Variants in ATP9B observed in about 807,000 individuals in gnomAD.
ATP9B encodes probable phospholipid-transporting ATPase IIB.
Under a neutral mutation model 146.1 loss-of-function variants are expected in ATP9B, and 110 were observed. The observed-to-expected ratio is 0.75, with a 90% CI of 0.65 to 0.88. The LOEUF is 0.88. Ranked by LOEUF, ATP9B falls within the 40% of genes least tolerant of loss-of-function variation. ATP9B has a pLI of 0.00. For missense variants in ATP9B, 1,499 were observed against 1,496.4 expected (o/e 1.00, Z -0.03); for synonymous variants, 604 against 569.7 (o/e 1.06, Z -0.86).
At position 79,231,687 on chromosome 18, in the gene ATP9B, G is replaced by A. The variant is rs565342276; in HGVS notation, c.1107+17649G>A. Among the ~76,000 whole-genome samples the A allele has an allele frequency of 5.9e-4, 90 of 151,470 alleles. 2 individuals are homozygous for A. The highest frequency in any genetic ancestry group is 2.0e-3 in the African/African-American group (81 of 41,282). On this transcript the variant is annotated intron_variant, in intron 11 of 29. Transcript: ENST00000426216. ...GTGCAAAAAAGACACTTGCACACACGTTTATAGCAGCACAATTCACGATTG... is the reference window on the plus strand; with the variant it reads ...GTGCAAAAAAGACACTTGCACACACATTTATAGCAGCACAATTCACGATTG...
intron 10 of ATP9B, among the ~76,000 whole-genome samples, chr18:79,211,603 A>G (rs1388576022): frequency 6.6e-6 from 1 of 152,170 alleles, no homozygotes; most frequent in Admixed American, 6.5e-5. Context: ...AGTCAATTTG[A>G]AGTGTGCAGT....
At chr18:79,330,634 C>CT (rs1180223758) in intron 17 of ATP9B, among the ~76,000 whole-genome samples, 1 of 152,156 alleles carries the variant, frequency 6.6e-6, no homozygotes, top group East Asian at 1.9e-4. Context: ...AGGATGGTCT[C>CT]TATCTCCTGA....
intron 26 of ATP9B, among the ~76,000 whole-genome samples, chr18:79,371,355 A>G: frequency 7.5e-6 from 1 of 132,954 alleles, no homozygotes; most frequent in East Asian, 2.5e-4. Flanking sequence ...CTGGTGAAAG[A>G]GCAAGACTCC....
intron 14 of ATP9B, among the ~76,000 whole-genome samples, chr18:79,304,362 C>T (rs995457630): frequency 6.6e-6 from 1 of 152,128 alleles, no homozygotes; most frequent in Non-Finnish European, 1.5e-5. Flanking sequence ...TTGAGTATCC[C>T]TTATTCAAAA....
In ATP9B at chr18:79,221,334, C is replaced by T. The variant is rs149707311; in HGVS notation, c.1107+7296C>T. ...TCAGCTCCTGGAAGAGCGCCAGCCT[C>T]CTGCAGCCATCTGCTTCCACAGATT... is the stretch of plus-strand genomic sequence containing the variant. On this transcript the variant is annotated intron_variant, in intron 11 of 29. Transcript: ENST00000426216. Among the ~76,000 whole-genome samples the T allele has an allele frequency of 2.3e-3, 350 of 152,282 alleles. 7 individuals are homozygous for T. The Middle Eastern group carries it at 0.058, about 25-fold the overall frequency.
chr18:79,077,924 TG>T (rs2072813644), intron 1 of ATP9B: 1 of 152,242 alleles, frequency 6.6e-6, no homozygotes, highest in South Asian at 2.1e-4. Flanking sequence ...AAATACTGCC[TG>T]ATTTGCTAAT....
At chr18:79,209,054 G>A (rs892206561) in intron 10 of ATP9B, among the ~76,000 whole-genome samples, 3 of 152,234 alleles carry the variant, frequency 2.0e-5, no homozygotes, top group African/African-American at 7.2e-5. Context: ...GCCAGGTGGT[G>A]AGTGTGGTCA....
rs1187832609 is a variant in ATP9B at position 79,241,228 on chromosome 18, T to C, written c.1108-12153T>C. 4.6e-5 allele frequency among the ~76,000 whole-genome samples: 7 copies of C among 152,200 alleles called. No homozygotes were observed. The South Asian group carries it at 6.2e-4, about 14-fold the overall frequency. On this transcript the variant is annotated intron_variant, in intron 11 of 29. Coordinates refer to ENST00000426216, the MANE Select transcript of ATP9B (RefSeq NM_198531.5). ...GTTGTCTCAAGCATTTTGACTGCGT[T>C]TTTTTCTCTGTGTAGAACATGGACA...
chr18:79,209,534 T>C (rs1181950688), intron 10 of ATP9B: 1 of 386,474 alleles, frequency 2.6e-6, no homozygotes, highest in East Asian at 1.6e-4. Context: ...CAAAGTTTTC[T>C]CTCCTGACCT....
Position 79,340,861 on chromosome 18 carries a change from TA to T in ATP9B, c.2284-1406del, listed in dbSNP as rs2096854405. ...GAACCTCCGTTTCCAACTAAAAAACTAGCAAACTGCAGTGAAGGTCTTCATG... is the reference window on the plus strand; with the variant it reads ...GAACCTCCGTTTCCAACTAAAAAACTGCAAACTGCAGTGAAGGTCTTCATG... On this transcript the variant is annotated intron_variant, in intron 19 of 29. Transcript: ENST00000426216. 2.0e-5 allele frequency among the ~76,000 whole-genome samples: 3 copies of T among 152,218 alleles called. No individual in the cohort carries two copies. In the South Asian group the frequency reaches 6.2e-4, roughly 31 times the overall value.
intron 12 of ATP9B, among the ~76,000 whole-genome samples, chr18:79,269,845 G>T (rs2096238616): frequency 6.6e-6 from 1 of 152,226 alleles, no homozygotes; most frequent in Non-Finnish European, 1.5e-5. Context: ...CCACAAGCAG[G>T]CTCACTGGCC....
intron 5 of ATP9B, among the ~76,000 whole-genome samples, chr18:79,142,511 T>C (rs569514433): frequency 2.6e-5 from 4 of 152,176 alleles, no homozygotes; most frequent in African/African-American, 9.7e-5. Flanking sequence ...GTAGGAACTT[T>C]AGGTCAGTGG....
At chr18:79,267,922 A>C (rs2096219634) in intron 12 of ATP9B, among the ~76,000 whole-genome samples, 1 of 152,048 alleles carries the variant, frequency 6.6e-6, no homozygotes, top group Non-Finnish European at 1.5e-5. Flanking sequence ...CTCTTTCATA[A>C]AAGTTGCTGA....
chr18:79,329,309 CTGCGGGGAGGG>C lies in ATP9B; in HGVS notation c.1935+11_1935+21del. ...GATGGGCGTCATCGTCAGGGTGAGG[CTGCGGGGAGGG>C]TGCCACGCGATGGCTTCAGACATTT... On this transcript the variant is annotated splice_region_variant and intron_variant, in intron 16 of 29. Coordinates refer to ENST00000426216, the MANE Select transcript of ATP9B (RefSeq NM_198531.5). The C allele has an allele frequency of 6.3e-7, 1 of 1,585,228 alleles. No individual in the cohort carries two copies. Among genetic ancestry groups the C allele is most frequent in the Admixed American group, 1.8e-5 (1 of 56,566 alleles).
At chr18:79,266,664 T>C (rs1276739553) in intron 12 of ATP9B, among the ~76,000 whole-genome samples, 2 of 152,124 alleles carry the variant, frequency 1.3e-5, no homozygotes, top group Admixed American at 1.3e-4. Flanking sequence ...ATGAATGTAT[T>C]TTAGGAAATA....
rs751106103 is a variant in ATP9B at position 79,069,415 on chromosome 18, C to A, written c.5C>A (p.Ala2Glu). 1.3e-6 allele frequency: 2 copies of A among 1,514,916 alleles called. No individual in the cohort carries two copies. The highest frequency in any genetic ancestry group is 2.7e-5 in the East Asian group (1 of 36,530). The allele number at this position is 1,514,916 out of a possible 1,614,324, so 93.8% of individuals were successfully genotyped here. Residue 2 changes from alanine (A) to glutamate (E), a missense_variant, in exon 1 of 30, where the codon GCG (alanine) becomes GAG (glutamate). Physicochemically the swap from Ala to Glu is moderately radical, Grantham distance 107. Coordinates refer to ENST00000426216, the MANE Select transcript of ATP9B (RefSeq NM_198531.5). MADQIPLYPVRS... is the reference protein window; with the variant it reads MEDQIPLYPVRS... ...CGGGAAAGGGGCGGTCGGAACATGG[C>A]GGACCAGATCCCGCTTTACCCGGTG...
At chr18:79,128,220 G>A (rs756192929) in intron 5 of ATP9B, among the ~76,000 whole-genome samples, 3 of 151,508 alleles carry the variant, frequency 2.0e-5, no homozygotes, top group Non-Finnish European at 2.9e-5. Context: ...CACTGCGCCC[G>A]GGTGATTTTT....
At chr18:79,215,147 CAAAAA>C (rs11444921) in intron 11 of ATP9B, among the ~76,000 whole-genome samples, 3 of 115,766 alleles carry the variant, frequency 2.6e-5, no homozygotes, top group Non-Finnish European at 3.6e-5. Flanking sequence ...GATTCTGTCT[CAAAAA>C]AAAAAAAAAA....
At chr18:79,087,062 C>T (rs1310852850) in intron 1 of ATP9B, among the ~76,000 whole-genome samples, 1 of 152,136 alleles carries the variant, frequency 6.6e-6, no homozygotes, top group East Asian at 1.9e-4. Flanking sequence ...GCTGGGAAGT[C>T]CAAGATCAAG....
Sources: allele counts gnomAD v4.1 joint callset (sites outside exome capture counted in the v4.1 genomes callset), GRCh38; gene constraint gnomAD v4.1.1; transcripts MANE v1.5; gene names NCBI Gene and HGNC (gene_info 2026-07-23, HGNC 2026-07-21).